The following USO1 variants were observed in gnomAD, a reference collection of about 807,000 sequenced individuals.
The protein encoded by USO1 is USO1 vesicle transport factor, also known as general vesicular transport factor p115.
A neutral mutation model predicts 124.5 loss-of-function variants in USO1; 57 were observed. The observed-to-expected ratio is 0.46, with a 90% CI of 0.37 to 0.57. The LOEUF is 0.57. USO1 is among the 20% of genes least tolerant of loss of function. The pLI is 0.00. For synonymous variants in USO1, 369 were observed against 362.8 expected, an observed-to-expected ratio of 1.02 and a Z score of -0.19; for missense variants, 900 against 1,040.6, an observed-to-expected ratio of 0.86 and a Z score of 1.86.
At position 75,813,375 on chromosome 4, in the gene USO1, A is replaced by G; in HGVS notation, c.*80A>G. The G allele has an allele frequency of 7.1e-7, 1 of 1,399,424 alleles. No homozygotes were observed. The highest frequency in any genetic ancestry group is 9.4e-7 in the Non-Finnish European group (1 of 1,064,192). The allele number at this position is 1,399,424 out of a possible 1,614,324, so 86.7% of individuals were successfully genotyped here. ...TAAACTTTGGTTTACCTCCATGGAA[A>G]ATAAAGATTTAGAAACCAGGTGGAA... On this transcript the variant is annotated 3_prime_UTR_variant, in exon 24 of 24. Coordinates refer to ENST00000514213, the MANE Select transcript of USO1 (RefSeq NM_003715.4).
intron 1 of USO1, among the ~76,000 whole-genome samples, chr4:75,743,101 C>CA (rs979187210): frequency 2.0e-5 from 3 of 151,838 alleles, no homozygotes; most frequent in Non-Finnish European, 4.4e-5. Flanking sequence ...TCTCCTGCCT[C>CA]AGCCTCCCGA....
intron 4 of USO1, among the ~76,000 whole-genome samples, chr4:75,762,421 C>T (rs1721638478): frequency 6.6e-6 from 1 of 151,750 alleles, no homozygotes; most frequent in Non-Finnish European, 1.5e-5. Context: ...CTTGGCCTCC[C>T]AAAGTGTTGG....
chr4:75,752,750 T>G, intron 3 of USO1, 146 bp downstream of exon 3: 1 of 384,582 alleles, frequency 2.6e-6, no homozygotes. Flanking sequence ...GGTCTCGAAC[T>G]CCTGGGCTCA....
At chr4:75,728,063 G>T (rs1303754138) in intron 1 of USO1, among the ~76,000 whole-genome samples, 1 of 152,130 alleles carries the variant, frequency 6.6e-6, no homozygotes, top group Admixed American at 6.6e-5. Flanking sequence ...TTATTTGAAA[G>T]AAATCACAGA....
intron 1 of USO1, among the ~76,000 whole-genome samples, chr4:75,740,810 T>A (rs1328541647): frequency 6.6e-6 from 1 of 152,206 alleles, no homozygotes; most frequent in African/African-American, 2.4e-5. Flanking sequence ...CTGTAAATAA[T>A]CCAAATCAGT....
intron 1 of USO1, among the ~76,000 whole-genome samples, chr4:75,746,629 C>A (rs1045656348): frequency 6.6e-6 from 1 of 152,180 alleles, no homozygotes; most frequent in Non-Finnish European, 1.5e-5. Flanking sequence ...CATTTGGCTT[C>A]AGTTGTCTGT....
At chr4:75,740,291 T>G (rs1475925301) in intron 1 of USO1, among the ~76,000 whole-genome samples, 1 of 152,182 alleles carries the variant, frequency 6.6e-6, no homozygotes, top group Non-Finnish European at 1.5e-5. Flanking sequence ...CTAGGACCAG[T>G]GGGTTTTGTT....
intron 21 of USO1, among the ~76,000 whole-genome samples, chr4:75,810,040 A>G (rs1723101999): frequency 6.6e-6 from 1 of 152,240 alleles, no homozygotes; most frequent in Non-Finnish European, 1.5e-5. Flanking sequence ...ACTAATAATG[A>G]TATTTGGCTC....
intron 1 of USO1, among the ~76,000 whole-genome samples, chr4:75,738,242 AG>A (rs1264701281): frequency 6.6e-6 from 1 of 151,336 alleles, no homozygotes; most frequent in African/African-American, 2.4e-5. Context: ...GGATCATCCA[AG>A]GTCAGGAGTT....
chr4:75,765,429 A>T (rs879443747), intron 4 of USO1, among the ~76,000 whole-genome samples: 2 of 152,138 alleles, frequency 1.3e-5, no homozygotes, highest in Non-Finnish European at 2.9e-5. Context: ...GTGAGATTTT[A>T]TTGGGTATGT....
intron 1 of USO1, among the ~76,000 whole-genome samples, chr4:75,750,892 A>G (rs963585784): frequency 1.2e-4 from 18 of 152,252 alleles, no homozygotes; most frequent in African/African-American, 4.3e-4. Context: ...TAGGTTTCCA[A>G]ATTCTTTTTT....
intron 1 of USO1, among the ~76,000 whole-genome samples, chr4:75,746,124 T>C (rs1237235042): frequency 6.6e-6 from 1 of 152,040 alleles, no homozygotes. Context: ...CATCTTCCTG[T>C]CCCCTCCCTC....
intron 1 of USO1, among the ~76,000 whole-genome samples, chr4:75,746,510 A>G (rs1721131205): frequency 6.6e-6 from 1 of 152,268 alleles, no homozygotes; most frequent in Non-Finnish European, 1.5e-5. Flanking sequence ...GTACTTTTGT[A>G]CAGAATTTTT....
chr4:75,770,515 C>A lies in USO1; in HGVS notation c.372C>A (p.Val124=). 1 of 1,591,582 alleles carries A rather than the reference C, an allele frequency of 6.3e-7. No homozygotes were observed. The highest frequency in any genetic ancestry group is 1.1e-5 in the South Asian group (1 of 87,012). Residue 124 remains valine, a synonymous_variant, in exon 5 of 24, where the codon GTC becomes GTA. Transcript: ENST00000514213. The stretch of plus-strand genomic sequence containing the variant: ...TTTTCATTAAGCAGCAGGAAAATGT[C>A]ACTCTTCTGTTATCTTTATTGGAGG... The part of the protein sequence containing the change: ...TEIFIKQQEN[V]TLLLSLLEEF...
chr4:75,736,718 T>A (rs1720802898), intron 1 of USO1, among the ~76,000 whole-genome samples: 1 of 152,216 alleles, frequency 6.6e-6, no homozygotes, highest in Non-Finnish European at 1.5e-5. Flanking sequence ...TCTCTTCTAA[T>A]AAACTGTAAA....
At chr4:75,744,086 T>C (rs1264069597) in intron 1 of USO1, among the ~76,000 whole-genome samples, 1 of 149,782 alleles carries the variant, frequency 6.7e-6, no homozygotes, top group Non-Finnish European at 1.5e-5. Context: ...CCTGTTTTTC[T>C]TTTTTTTATT....
chr4:75,799,495 G>A (rs762455136), intron 13 of USO1, 127 bp from the exon 14 acceptor site: 3 of 1,071,170 alleles, frequency 2.8e-6, no homozygotes, highest in Admixed American at 2.8e-5. Flanking sequence ...TTTAAAACTG[G>A]ATTTCTGGCT....
At chr4:75,743,011 G>T (rs1384503329) in intron 1 of USO1, among the ~76,000 whole-genome samples, 4 of 146,742 alleles carry the variant, frequency 2.7e-5, no homozygotes, top group Non-Finnish European at 4.5e-5. Context: ...TTGAGACAGA[G>T]TCTCGCTCAG....
intron 23 of USO1, 128 bp from the exon 24 acceptor site, chr4:75,813,078 A>G: frequency 1.1e-6 from 1 of 945,762 alleles, no homozygotes; most frequent in Non-Finnish European, 1.5e-6. Flanking sequence ...GCACCATTGC[A>G]CTCCAGCCTG....
Sources: allele counts gnomAD v4.1 joint callset (sites outside exome capture counted in the v4.1 genomes callset), GRCh38; gene constraint gnomAD v4.1.1; transcripts MANE v1.5; gene names NCBI Gene and HGNC (gene_info 2026-07-23, HGNC 2026-07-21).